Variants in UNC5D observed in about 807,000 individuals in gnomAD.
UNC5D encodes the protein unc-5 netrin receptor D, also known as netrin receptor UNC5D.
A neutral mutation model predicts 105.4 loss-of-function variants in UNC5D; 39 were observed. The observed-to-expected ratio is 0.37, with a 90% confidence interval of 0.29 to 0.48. UNC5D has a LOEUF of 0.48. Ranked by LOEUF, UNC5D falls within the 20% of genes least tolerant of loss-of-function variation. The pLI, the probability that UNC5D is intolerant of heterozygous loss-of-function variation, is 0.98. For missense variants in UNC5D, 991 were observed against 1,202.4 expected (o/e 0.82, Z 2.60); for synonymous variants, 452 against 450.4 (o/e 1.00, Z -0.04).
At chr8:35,304,882 A>T (rs571577179) in intron 1 of UNC5D, among the ~76,000 whole-genome samples, 1 of 152,106 alleles carries the variant, frequency 6.6e-6, no homozygotes, top group Non-Finnish European at 1.5e-5. Flanking sequence ...TTACTTTTGC[A>T]TGCTAGCCCT....
At chr8:35,368,308 G>C (rs1802244310) in intron 1 of UNC5D, among the ~76,000 whole-genome samples, 1 of 151,934 alleles carries the variant, frequency 6.6e-6, no homozygotes, top group African/African-American at 2.4e-5. Context: ...TGCAGTATTT[G>C]CCACCCCCCG....
At chr8:35,786,925 A>G (rs1008192786) in intron 16 of UNC5D, among the ~76,000 whole-genome samples, 3 of 152,206 alleles carry the variant, frequency 2.0e-5, no homozygotes, top group Non-Finnish European at 4.4e-5. Flanking sequence ...TGGTCTGAAA[A>G]AAAATCAAAA....
chr8:35,247,252 T>A (rs1803167925), intron 1 of UNC5D, among the ~76,000 whole-genome samples: 1 of 138,758 alleles, frequency 7.2e-6, no homozygotes, highest in Non-Finnish European at 1.5e-5. Context: ...TATATTTTTC[T>A]AAAATATCTT....
At chr8:35,305,581 CTTTCTTTCTTTCTTTCTT>C (rs1808291608) in intron 1 of UNC5D, among the ~76,000 whole-genome samples, 5 of 93,540 alleles carry the variant, frequency 5.3e-5, no homozygotes, top group African/African-American at 1.4e-4. Context: ...CTTTCTTTTT[CTTTCTTTCTTTCTTTCTT>C]TCTTTCTTTC....
intron 1 of UNC5D, among the ~76,000 whole-genome samples, chr8:35,271,977 G>C (rs920482867): frequency 1.3e-5 from 2 of 151,810 alleles, no homozygotes; most frequent in Non-Finnish European, 2.9e-5. Context: ...AGTATGGATG[G>C]GAGCTCTTTT....
intron 2 of UNC5D, among the ~76,000 whole-genome samples, chr8:35,551,516 C>G (rs193288279): frequency 6.8e-4 from 103 of 152,196 alleles, no homozygotes; most frequent in Non-Finnish European, 6.6e-4. Flanking sequence ...GTATCAGCCT[C>G]CAGCAAAGAA....
At chr8:35,641,366 C>CTAAAAAAAAAAAAAAAAAAGA (rs1822706236) in intron 4 of UNC5D, among the ~76,000 whole-genome samples, 1 of 44,292 alleles carries the variant, frequency 2.3e-5, no homozygotes, top group African/African-American at 8.5e-5. Context: ...AAAAATAAAG[C>CTAAAAAAAAAAAAAAAAAAGA]AAAAAAAAAA....
intron 1 of UNC5D, among the ~76,000 whole-genome samples, chr8:35,545,982 C>A (rs1815643318): frequency 6.6e-6 from 1 of 152,142 alleles, no homozygotes; most frequent in African/African-American, 2.4e-5. Flanking sequence ...GCAGCCTCTA[C>A]CCCCTGAGCT....
chr8:35,468,927 G>C (rs918182614), intron 1 of UNC5D, among the ~76,000 whole-genome samples: 1 of 152,182 alleles, frequency 6.6e-6, no homozygotes, highest in African/African-American at 2.4e-5. Flanking sequence ...GGAAACAAGA[G>C]AGCCCTTGCT....
rs527722859 is a variant in UNC5D, at chr8:35,340,014, A to T, written c.103+104127A>T. ...TCTCCTTTAATTCAGAGCTAGTTTTAAAAACTACATGATTGCTATTTTTGC... is the reference window on the plus strand; with the variant it reads ...TCTCCTTTAATTCAGAGCTAGTTTTTAAAACTACATGATTGCTATTTTTGC... On this transcript the variant is annotated intron_variant, in intron 1 of 16. Transcript: ENST00000404895. 1.2e-4 allele frequency among the ~76,000 whole-genome samples: 18 copies of T among 152,308 alleles called. No individual in the cohort carries two copies. The East Asian group carries it at 2.9e-3, about 24-fold the overall frequency.
At chr8:35,421,654 TATATATC>T (rs1805911233) in intron 1 of UNC5D, among the ~76,000 whole-genome samples, 5 of 151,676 alleles carry the variant, frequency 3.3e-5, no homozygotes, top group African/African-American at 7.3e-5. Flanking sequence ...GTAAAATAGT[TATATATC>T]AGATATCTAC....
At chr8:35,256,171 C>A (rs957301847) in intron 1 of UNC5D, 1 of 152,158 alleles carries the variant, frequency 6.6e-6, no homozygotes, top group South Asian at 2.1e-4. Flanking sequence ...TATATTTCTT[C>A]ATAAAGCACC....
Position 35,451,110 on chromosome 8 carries a change from C to G in UNC5D, c.104-98182C>G, listed in dbSNP as rs527269257. Reference sequence around the variant, plus strand: ...CCGGGCTGGAATGCAATGGTGCAATCTCAGTTCACTGCAACCTCTGCCTCC... The same window carrying G: ...CCGGGCTGGAATGCAATGGTGCAATGTCAGTTCACTGCAACCTCTGCCTCC... On this transcript the variant is annotated intron_variant, in intron 1 of 16. Transcript: ENST00000404895. Among the ~76,000 whole-genome samples the G allele has an allele frequency of 3.3e-4, 48 of 145,932 alleles. No individual in the cohort carries two copies. The South Asian group carries it at 3.6e-3, about 11-fold the overall frequency.
intron 4 of UNC5D, among the ~76,000 whole-genome samples, chr8:35,667,837 A>G (rs1824532574): frequency 6.6e-6 from 1 of 152,188 alleles, no homozygotes; most frequent in South Asian, 2.1e-4. Context: ...ATGTGCCATA[A>G]TTGATTTAAT....
chr8:35,469,084 C>T (rs1380165194), intron 1 of UNC5D, among the ~76,000 whole-genome samples: 1 of 152,164 alleles, frequency 6.6e-6, no homozygotes. Context: ...TAACAGGACT[C>T]TTGTGATATA....
At chr8:35,436,311 T>G (rs1477641569) in intron 1 of UNC5D, among the ~76,000 whole-genome samples, 1 of 152,098 alleles carries the variant, frequency 6.6e-6, no homozygotes, top group Non-Finnish European at 1.5e-5. Context: ...AAAGCTGTTT[T>G]AAATGTTTGA....
At chr8:35,396,877 C>T (rs1804137421) in intron 1 of UNC5D, among the ~76,000 whole-genome samples, 1 of 150,470 alleles carries the variant, frequency 6.6e-6, no homozygotes, top group South Asian at 2.1e-4. Flanking sequence ...TGTGTCTCTT[C>T]TGAGCCCAAG....
chr8:35,264,991 C>G (rs1804758446), intron 1 of UNC5D, among the ~76,000 whole-genome samples: 2 of 152,090 alleles, frequency 1.3e-5, no homozygotes, highest in African/African-American at 4.8e-5. Flanking sequence ...TGAAAACAGT[C>G]ATAATAACGC....
At chr8:35,441,399 G>A (rs1347685140) in intron 1 of UNC5D, among the ~76,000 whole-genome samples, 3 of 151,696 alleles carry the variant, frequency 2.0e-5, no homozygotes, top group Admixed American at 6.6e-5. Context: ...TTCATTATAG[G>A]TATGTATGTA....
Sources: allele counts gnomAD v4.1 joint callset (sites outside exome capture counted in the v4.1 genomes callset), GRCh38; gene constraint gnomAD v4.1.1; transcripts MANE v1.5; gene names NCBI Gene and HGNC (gene_info 2026-07-23, HGNC 2026-07-21).